SAMD5: variants seen among roughly 807,000 people sequenced by gnomAD.
SAMD5 encodes the protein sterile alpha motif domain-containing protein 5.
In SAMD5, 13 loss-of-function variants were observed where a neutral mutation model predicts 11.3. The observed-to-expected ratio is 1.15, with a 90% CI of 0.75 to 1.83. SAMD5 has a LOEUF of 1.83. SAMD5 is among the 40% of genes most tolerant of loss of function. The pLI is 0.00. For synonymous variants in SAMD5, 129 were observed against 111.3 expected (o/e 1.16, Z -1.00); for missense variants, 255 against 239.1 (o/e 1.07, Z -0.44).
At chr6:147,670,598 C>G (rs1241192021) in intron 1 of SAMD5, among the ~76,000 whole-genome samples, 1 of 152,230 alleles carries the variant, frequency 6.6e-6, no homozygotes, top group African/African-American at 2.4e-5. Flanking sequence ...TCACCTTGCA[C>G]TTTTATGTGT....
chr6:147,568,238 A>G lies in SAMD5; in HGVS notation c.*3782A>G, dbSNP rs968702692. On this transcript the variant is annotated 3_prime_UTR_variant, in exon 2 of 2. Transcript: ENST00000367474. Reference sequence around the variant, plus strand: ...TCTTTTCTATGAAAAGAAAAACCAGATATACCAGGGACTGGAAAGCACCTG... The same window carrying G: ...TCTTTTCTATGAAAAGAAAAACCAGGTATACCAGGGACTGGAAAGCACCTG... 11 of 985,294 alleles carry G rather than the reference A, an allele frequency of 1.1e-5. No homozygotes were observed. In the South Asian group the frequency reaches 3.8e-4, roughly 34 times the overall value. The allele number at this position is 985,294 out of a possible 1,614,324, so 61.0% of individuals were successfully genotyped here.
At chr6:147,937,537 G>A in the SAMD5 span, among the ~76,000 whole-genome samples, 1 of 152,170 alleles carries the variant, frequency 6.6e-6, no homozygotes, top group Non-Finnish European at 1.5e-5. Context: ...TTACAGAGAT[G>A]TTATTTCCTT....
chr6:147,937,042 G>A, the SAMD5 span, among the ~76,000 whole-genome samples: 1 of 152,110 alleles, frequency 6.6e-6, no homozygotes, highest in Non-Finnish European at 1.5e-5. Context: ...CCATGGACCT[G>A]AATAGTGCCT....
the SAMD5 span, among the ~76,000 whole-genome samples, chr6:147,767,804 A>T: frequency 1.3e-5 from 2 of 152,224 alleles, no homozygotes; most frequent in Non-Finnish European, 2.9e-5. Context: ...GAGGGGTCAT[A>T]ACTAAGACAG....
intron 1 of SAMD5, among the ~76,000 whole-genome samples, chr6:147,512,051 T>C (rs551207655): frequency 2.5e-4 from 38 of 152,024 alleles, no homozygotes; most frequent in Non-Finnish European, 4.9e-4. Flanking sequence ...GCCTCCTGGG[T>C]TCAAGCAATT....
chr6:147,540,692 G>A (rs552427630), intron 1 of SAMD5, among the ~76,000 whole-genome samples: 40 of 152,114 alleles, frequency 2.6e-4, no homozygotes, highest in South Asian at 8.3e-4. Flanking sequence ...CGCCTAAGAC[G>A]AGTCTCACAA....
At chr6:147,939,365 G>A in the SAMD5 span, among the ~76,000 whole-genome samples, 4 of 152,198 alleles carry the variant, frequency 2.6e-5, no homozygotes, top group African/African-American at 9.7e-5. Flanking sequence ...GAGGTTGAGG[G>A]TGGGTGTGGA....
chr6:147,534,101 C>T (rs962954782), intron 1 of SAMD5, among the ~76,000 whole-genome samples: 2 of 152,056 alleles, frequency 1.3e-5, no homozygotes, highest in Admixed American at 6.6e-5. Context: ...GGACATGACC[C>T]GGGGTACCTA....
intron 1 of SAMD5, among the ~76,000 whole-genome samples, chr6:147,595,289 A>G (rs1280861515): frequency 6.6e-6 from 1 of 152,186 alleles, no homozygotes; most frequent in Non-Finnish European, 1.5e-5. Flanking sequence ...AAAAAGCTTT[A>G]TATGCGATAT....
chr6:147,875,291 C>T, the SAMD5 span, among the ~76,000 whole-genome samples: 1 of 152,064 alleles, frequency 6.6e-6, no homozygotes, highest in Non-Finnish European at 1.5e-5. Flanking sequence ...TTACTGAACC[C>T]AGCAGAGTTC....
intron 1 of SAMD5, among the ~76,000 whole-genome samples, chr6:147,702,450 A>G (rs1791267649): frequency 6.6e-6 from 1 of 152,196 alleles, no homozygotes; most frequent in Non-Finnish European, 1.5e-5. Flanking sequence ...GGGGTGACAT[A>G]TGTTTGAACT....
At chr6:147,872,884 T>C in the SAMD5 span, among the ~76,000 whole-genome samples, 1 of 152,180 alleles carries the variant, frequency 6.6e-6, no homozygotes, top group Non-Finnish European at 1.5e-5. Flanking sequence ...ACAAGTCCCA[T>C]AGCTCCATGA....
chr6:147,674,015 A>G (rs1053390373), intron 1 of SAMD5, among the ~76,000 whole-genome samples: 2 of 152,230 alleles, frequency 1.3e-5, no homozygotes, highest in Non-Finnish European at 2.9e-5. Flanking sequence ...GTATTTATTC[A>G]CAGTTGTTCA....
intron 1 of SAMD5, among the ~76,000 whole-genome samples, chr6:147,520,131 T>TTC (rs1467424049): frequency 9.2e-5 from 14 of 151,464 alleles, no homozygotes; most frequent in Non-Finnish European, 2.9e-5. Flanking sequence ...TTTTTTTTTT[T>TTC]TTTGGAGATA....
the SAMD5 span, among the ~76,000 whole-genome samples, chr6:147,826,577 G>A: frequency 1.3e-5 from 2 of 152,316 alleles, no homozygotes; most frequent in South Asian, 4.1e-4. Context: ...TCGTGAGGAT[G>A]AGGTGAGAAT....
rs1231981045 is a variant in SAMD5 at position 147,565,575 on chromosome 6, C to T, written c.*1119C>T. On this transcript the variant is annotated 3_prime_UTR_variant, in exon 2 of 2. Coordinates refer to ENST00000367474, the MANE Select transcript of SAMD5 (RefSeq NM_001030060.3). ...CCAGGTTCAAGGAATTCTCCTGCCT[C>T]GGCCTCTTGGTAGCTGGGATTACAG... is the stretch of plus-strand genomic sequence containing the variant. 26 of 500,084 alleles carry T rather than the reference C, an allele frequency of 5.2e-5. No homozygotes were observed. The South Asian group carries it at 7.7e-4, about 15-fold the overall frequency. 31.0% of individuals were successfully genotyped at this position (500,084 alleles called of 1,614,324 possible). A position where few individuals can be genotyped will look rare whatever the true frequency, so the allele number is the denominator to read the frequency against.
chr6:147,657,608 A>G (rs1331550141), intron 1 of SAMD5, among the ~76,000 whole-genome samples: 1 of 152,216 alleles, frequency 6.6e-6, no homozygotes, highest in African/African-American at 2.4e-5. Flanking sequence ...GGTGGCTTAT[A>G]AACTACAGAA....
chr6:147,861,543 C>T, the SAMD5 span, among the ~76,000 whole-genome samples: 12 of 152,132 alleles, frequency 7.9e-5, 1 homozygote, highest in South Asian at 4.1e-4. Context: ...GATACCTGCC[C>T]GCACTTACAG....
At chr6:147,673,798 A>G (rs963283339) in intron 1 of SAMD5, among the ~76,000 whole-genome samples, 7 of 152,304 alleles carry the variant, frequency 4.6e-5, no homozygotes, top group Admixed American at 3.3e-4. Flanking sequence ...TGTCAATAAG[A>G]GCAACATGAA....
Sources: allele counts gnomAD v4.1 joint callset (sites outside exome capture counted in the v4.1 genomes callset), GRCh38; gene constraint gnomAD v4.1.1; transcripts MANE v1.5; gene names NCBI Gene and HGNC (gene_info 2026-07-23, HGNC 2026-07-21).